Variants in CD1B observed in about 807,000 individuals in gnomAD.
CD1B encodes the protein T-cell surface glycoprotein CD1b.
CD1B carries 43 observed loss-of-function variants against 39.8 expected under a neutral mutation model. The observed-to-expected ratio is 1.08, with a 90% CI of 0.85 to 1.39. CD1B has a LOEUF of 1.39. Ranked by LOEUF, CD1B falls within the 40% of genes most tolerant of loss-of-function variation. The pLI, the probability that CD1B is intolerant of heterozygous loss-of-function variation, is 0.00. For missense variants in CD1B, 495 were observed against 403.8 expected (o/e 1.23, Z -1.94); for synonymous variants, 192 against 152.5 (o/e 1.26, Z -1.91).
chr1:158,319,307 G>T, the CD1B span, among the ~76,000 whole-genome samples: 2 of 152,138 alleles, frequency 1.3e-5, no homozygotes, highest in East Asian at 3.9e-4. Flanking sequence ...ACACCAATCA[G>T]ACGTAGATTT....
At chr1:158,292,266 G>T in the CD1B span, 1 of 1,614,198 alleles carries the variant, frequency 6.2e-7, no homozygotes, top group African/African-American at 1.3e-5. Flanking sequence ...TCATCAGTAT[G>T]AAGGCGTCAC....
chr1:158,310,959 T>C, the CD1B span, among the ~76,000 whole-genome samples: 1 of 152,138 alleles, frequency 6.6e-6, no homozygotes, highest in East Asian at 1.9e-4. Flanking sequence ...GGTACTATGC[T>C]CATTACCTGT....
the CD1B span, among the ~76,000 whole-genome samples, chr1:158,309,276 A>T: frequency 6.6e-6 from 1 of 152,210 alleles, no homozygotes; most frequent in African/African-American, 2.4e-5. Flanking sequence ...TCAAAACCAC[A>T]ATGAGATACC....
the CD1B span, among the ~76,000 whole-genome samples, chr1:158,318,724 TTTG>T: frequency 6.6e-6 from 1 of 152,176 alleles, no homozygotes; most frequent in Admixed American, 6.6e-5. Context: ...AGGTGGTTAT[TTTG>T]TTCATTAGTT....
the CD1B span, among the ~76,000 whole-genome samples, chr1:158,321,025 T>G: frequency 6.6e-6 from 1 of 152,220 alleles, no homozygotes; most frequent in Non-Finnish European, 1.5e-5. Flanking sequence ...TAGGTTCATT[T>G]GGTCAGGAGT....
downstream of CD1B, among the ~76,000 whole-genome samples, chr1:158,324,307 T>C (rs1424058491): frequency 6.6e-6 from 1 of 152,194 alleles, no homozygotes; most frequent in Non-Finnish European, 1.5e-5. Context: ...ACCTAGGGCC[T>C]TGATTCCACT....
the CD1B span, among the ~76,000 whole-genome samples, chr1:158,308,898 T>A: frequency 2.0e-5 from 3 of 152,132 alleles, no homozygotes; most frequent in South Asian, 6.2e-4. Flanking sequence ...ACCTAGGCAA[T>A]ACCATTCAGG....
the CD1B span, among the ~76,000 whole-genome samples, chr1:158,305,247 C>A: frequency 1.3e-5 from 2 of 151,842 alleles, no homozygotes; most frequent in Admixed American, 6.6e-5. Context: ...TTTAAAGGAC[C>A]GGATGGAGCT....
Position 158,328,902 on chromosome 1 carries a change from A to T in CD1B, c.980+19T>A. On this transcript the variant is annotated intron_variant, in intron 5 of 5. Coordinates refer to ENST00000368168, the MANE Select transcript of CD1B (RefSeq NM_001764.3). ...GAAAAGACATATTAAAAAAAAAAAC[A>T]ACACCACCCACAACTCACCGGCGCC... The T allele has an allele frequency of 2.0e-6, 3 of 1,536,658 alleles. No individual in the cohort carries two copies. Among genetic ancestry groups the T allele is most frequent in the Non-Finnish European group, 2.6e-6 (3 of 1,137,878 alleles).
the CD1B span, among the ~76,000 whole-genome samples, chr1:158,310,912 T>C: frequency 2.6e-5 from 4 of 152,122 alleles, no homozygotes; most frequent in Non-Finnish European, 4.4e-5. Context: ...TGGTGATTTC[T>C]CAAAGAACTT....
the CD1B span, among the ~76,000 whole-genome samples, chr1:158,309,836 TG>T: frequency 2.1e-5 from 1 of 48,206 alleles, no homozygotes; most frequent in Non-Finnish European, 4.4e-5. Context: ...TGTTGTGGGG[TG>T]GGGGGAAGGG....
At chr1:158,293,752 T>G in the CD1B span, 1 of 643,296 alleles carries the variant, frequency 1.6e-6, no homozygotes, top group Non-Finnish European at 2.7e-6. Context: ...TCAACTGTTA[T>G]GTGCATGCAA....
the CD1B span, among the ~76,000 whole-genome samples, chr1:158,315,472 T>C: frequency 6.6e-6 from 1 of 152,046 alleles, no homozygotes; most frequent in Non-Finnish European, 1.5e-5. Context: ...GAAGTGTCTG[T>C]TCATGTCCTT....
chr1:158,301,573 C>T, the CD1B span, among the ~76,000 whole-genome samples: 7 of 152,100 alleles, frequency 4.6e-5, no homozygotes, highest in African/African-American at 9.7e-5. Flanking sequence ...ATATGAAATT[C>T]TCGGTTGAAA....
At chr1:158,293,708 T>A in the CD1B span, 58 of 1,005,934 alleles carry the variant, frequency 5.8e-5, no homozygotes, top group Non-Finnish European at 8.1e-5. Flanking sequence ...CCTCCAACGA[T>A]CTTCCTTGAC....
chr1:158,292,831 G>A, the CD1B span: 52 of 1,614,076 alleles, frequency 3.2e-5, no homozygotes, highest in Non-Finnish European at 4.3e-5. Flanking sequence ...CTTGTCGAGT[G>A]AGACACAGCA....
At chr1:158,320,649 G>A in the CD1B span, among the ~76,000 whole-genome samples, 53 of 152,168 alleles carry the variant, frequency 3.5e-4, no homozygotes, top group Middle Eastern at 3.4e-3. Flanking sequence ...GCTGTAGACC[G>A]GAGCTCTTCC....
intron 3 of CD1B, 31 bp from the exon 4 acceptor site, chr1:158,329,679 T>C (rs1300905015): frequency 6.2e-7 from 1 of 1,607,100 alleles, no homozygotes; most frequent in Non-Finnish European, 8.5e-7. Flanking sequence ...AAAAGTGTCA[T>C]GTTATAACTC....
chr1:158,293,877 CACAAA>C, the CD1B span, among the ~76,000 whole-genome samples: 1 of 152,144 alleles, frequency 6.6e-6, no homozygotes, highest in South Asian at 2.1e-4. Flanking sequence ...CTCAGTGAAA[CACAAA>C]ACAAAACATC....
Sources: allele counts gnomAD v4.1 joint callset (sites outside exome capture counted in the v4.1 genomes callset), GRCh38; gene constraint gnomAD v4.1.1; transcripts MANE v1.5; gene names NCBI Gene and HGNC (gene_info 2026-07-23, HGNC 2026-07-21).